Variants in ANO2 observed in about 807,000 individuals in gnomAD.
ANO2 encodes the protein anoctamin-2.
A neutral mutation model predicts 124.2 loss-of-function variants in ANO2; 101 were observed. The observed-to-expected ratio is 0.81, with a 90% CI of 0.69 to 0.96. The LOEUF (loss-of-function observed/expected upper bound fraction) is 0.96. ANO2 is among the 40% of genes least tolerant of loss of function. The pLI is 0.00. For synonymous variants in ANO2, 486 were observed against 482.5 expected (o/e 1.01, Z -0.09); for missense variants, 1,293 against 1,274.5 (o/e 1.01, Z -0.22).
At chr12:5,827,439 T>TTGGAAATGG (rs1953992042) in intron 7 of ANO2, among the ~76,000 whole-genome samples, 1 of 152,124 alleles carries the variant, frequency 6.6e-6, no homozygotes, top group Admixed American at 6.5e-5. Context: ...TTAGAAACTA[T>TTGGAAATGG]TGGAAATGGT....
chr12:5,794,941 C>A (rs1211574617), intron 10 of ANO2, among the ~76,000 whole-genome samples: 3 of 152,212 alleles, frequency 2.0e-5, no homozygotes, highest in Non-Finnish European at 2.9e-5. Flanking sequence ...CCAGCTGTGG[C>A]CTGGCCAGTC....
intron 10 of ANO2, among the ~76,000 whole-genome samples, chr12:5,751,329 A>C (rs1235374858): frequency 1.3e-5 from 2 of 152,262 alleles, no homozygotes; most frequent in African/African-American, 4.8e-5. Context: ...TAAGTGCCAT[A>C]GCACTCAACC....
At chr12:5,854,595 T>G (rs549192853) in intron 3 of ANO2, among the ~76,000 whole-genome samples, 1 of 152,314 alleles carries the variant, frequency 6.6e-6, no homozygotes, top group South Asian at 2.1e-4. Flanking sequence ...AGTTTGTATT[T>G]TTGTTCTACT....
At chr12:5,777,806 G>A (rs1173825291) in intron 10 of ANO2, among the ~76,000 whole-genome samples, 1 of 152,152 alleles carries the variant, frequency 6.6e-6, no homozygotes, top group African/African-American at 2.4e-5. Context: ...TGTCATGAAC[G>A]TTCACAGCCA....
chr12:5,888,446 A>G (rs1939130388), intron 3 of ANO2, among the ~76,000 whole-genome samples: 1 of 152,130 alleles, frequency 6.6e-6, no homozygotes, highest in South Asian at 2.1e-4. Flanking sequence ...TTATTCTCTT[A>G]TCTGGCCCCA....
chr12:5,699,669 A>G (rs985386323), intron 14 of ANO2, among the ~76,000 whole-genome samples: 15 of 149,300 alleles, frequency 1.0e-4, no homozygotes, highest in African/African-American at 3.5e-4. Flanking sequence ...GTCAAGACCC[A>G]TCAGTGTGCT....
At chr12:5,666,084 C>A (rs892400769) in intron 14 of ANO2, among the ~76,000 whole-genome samples, 1 of 152,076 alleles carries the variant, frequency 6.6e-6, no homozygotes, top group African/African-American at 2.4e-5. Context: ...CCAGGGCCCT[C>A]TGGAATCCTG....
chr12:5,690,763 T>TC (rs773817458), intron 14 of ANO2, among the ~76,000 whole-genome samples: 8 of 152,040 alleles, frequency 5.3e-5, no homozygotes, highest in Non-Finnish European at 1.0e-4. Context: ...ACTCCTAAGC[T>TC]CAGGAAGAAT....
chr12:5,571,041 T>C (rs779979487), intron 23 of ANO2, among the ~76,000 whole-genome samples: 1 of 152,002 alleles, frequency 6.6e-6, no homozygotes, highest in Non-Finnish European at 1.5e-5. Flanking sequence ...TCAAAGACTT[T>C]TGTCAGGATA....
At chr12:5,854,363 A>C (rs1390776735) in intron 3 of ANO2, among the ~76,000 whole-genome samples, 1 of 149,424 alleles carries the variant, frequency 6.7e-6, no homozygotes, top group Non-Finnish European at 1.5e-5. Flanking sequence ...TAGTGTTCCC[A>C]AAGTGTGGCC....
intron 14 of ANO2, among the ~76,000 whole-genome samples, chr12:5,711,785 A>C (rs937740949): frequency 1.2e-4 from 19 of 152,218 alleles, no homozygotes; most frequent in African/African-American, 4.6e-4. Context: ...ATGTAGATTA[A>C]CGAGTTTGGG....
rs146971847 is a variant in ANO2 at position 5,628,699 on chromosome 12, C to T, written c.1816+6453G>A. On this transcript the variant is annotated intron_variant, in intron 16 of 24. Transcript: ENST00000682330. ...GTGTGTGTGTGTGTGCGCGCGCGCA[C>T]GCGTGCGTGCACATGTGCATGCATG... 5.6e-3 allele frequency among the ~76,000 whole-genome samples: 848 copies of T among 152,126 alleles called. 12 individuals are homozygous for T. Among genetic ancestry groups the T allele is most frequent in the African/African-American group, 0.017 (720 of 41,516 alleles).
chr12:5,753,619 A>C (rs545776556), intron 10 of ANO2, among the ~76,000 whole-genome samples: 1 of 152,278 alleles, frequency 6.6e-6, no homozygotes, highest in Non-Finnish European at 1.5e-5. Flanking sequence ...CCTCTTAGTT[A>C]AACTTATTCC....
chr12:5,656,421 C>G (rs762531418), intron 14 of ANO2, among the ~76,000 whole-genome samples: 4 of 152,206 alleles, frequency 2.6e-5, no homozygotes, highest in Non-Finnish European at 5.9e-5. Flanking sequence ...CGGGCAACAC[C>G]TGAAACAGAG....
intron 14 of ANO2, among the ~76,000 whole-genome samples, chr12:5,699,278 G>A (rs1354115667): frequency 6.6e-6 from 1 of 152,044 alleles, no homozygotes; most frequent in Non-Finnish European, 1.5e-5. Context: ...AGAGAGTGGG[G>A]GCCAATATTT....
chr12:5,765,794 C>T (rs1475423577), intron 10 of ANO2, among the ~76,000 whole-genome samples: 1 of 152,128 alleles, frequency 6.6e-6, no homozygotes, highest in Admixed American at 6.5e-5. Context: ...ATAATGGGAA[C>T]AGATATTTGC....
At chr12:5,915,158 A>G (rs1405095048) in intron 3 of ANO2, among the ~76,000 whole-genome samples, 1 of 152,258 alleles carries the variant, frequency 6.6e-6, no homozygotes, top group African/African-American at 2.4e-5. Context: ...GGTAGGGTGC[A>G]GACGTCTCTG....
chr12:5,801,018 T>G (rs1953021901), intron 9 of ANO2, among the ~76,000 whole-genome samples: 1 of 151,892 alleles, frequency 6.6e-6, no homozygotes, highest in Admixed American at 6.6e-5. Context: ...GAACCAGAAG[T>G]GTGTGGCATC....
At chr12:5,937,096 C>T (rs1332306188) in intron 1 of ANO2, among the ~76,000 whole-genome samples, 2 of 150,922 alleles carry the variant, frequency 1.3e-5, no homozygotes, top group Admixed American at 6.6e-5. Flanking sequence ...ATTTCTGGGT[C>T]ATATGGTGGT....
Sources: allele counts gnomAD v4.1 joint callset (sites outside exome capture counted in the v4.1 genomes callset), GRCh38; gene constraint gnomAD v4.1.1; transcripts MANE v1.5; gene names NCBI Gene and HGNC (gene_info 2026-07-23, HGNC 2026-07-21).